RGL1: variants seen among roughly 807,000 people sequenced by gnomAD.
The protein encoded by RGL1 is ral guanine nucleotide dissociation stimulator-like 1.
A neutral mutation model predicts 95.2 loss-of-function variants in RGL1; 24 were observed. The observed-to-expected ratio is 0.25, with a 90% CI of 0.18 to 0.35. The LOEUF (loss-of-function observed/expected upper bound fraction) is 0.35. Ranked by LOEUF, RGL1 falls within the 10% of genes least tolerant of loss-of-function variation. RGL1 has a pLI of 1.00. For synonymous variants in RGL1, 329 were observed against 344.9 expected, an observed-to-expected ratio of 0.95 and a Z score of 0.51; for missense variants, 715 against 936.3, an observed-to-expected ratio of 0.76 and a Z score of 3.08.
intron 3 of RGL1, among the ~76,000 whole-genome samples, chr1:183,854,210 A>T (rs1664998098): frequency 6.6e-6 from 1 of 152,164 alleles, no homozygotes; most frequent in Non-Finnish European, 1.5e-5. Flanking sequence ...CCCAAATAAA[A>T]CTGAATGTTG....
intron 2 of RGL1, among the ~76,000 whole-genome samples, chr1:183,782,736 AT>A (rs946216847): frequency 1.3e-5 from 2 of 152,220 alleles, no homozygotes; most frequent in African/African-American, 4.8e-5. Context: ...TTGCTGTCAT[AT>A]TTTCTAAAGT....
intron 2 of RGL1, among the ~76,000 whole-genome samples, chr1:183,811,669 G>C (rs1457413641): frequency 6.6e-6 from 1 of 152,116 alleles, no homozygotes; most frequent in Non-Finnish European, 1.5e-5. Flanking sequence ...TATTACACTG[G>C]ATCCTTTTGG....
chr1:183,650,964 C>T (rs79674066), intron 1 of RGL1, among the ~76,000 whole-genome samples: 1,950 of 152,056 alleles, frequency 0.013, 52 homozygotes, highest in African/African-American at 0.045. Context: ...TGATTTTTTA[C>T]CTATTTTTTG....
chr1:183,848,203 G>A (rs1572498228), intron 3 of RGL1, among the ~76,000 whole-genome samples: 1 of 152,276 alleles, frequency 6.6e-6, no homozygotes, highest in Non-Finnish European at 1.5e-5. Context: ...GCTTAGGAAT[G>A]GTGGCAATGA....
At chr1:183,901,512 A>G (rs772436749) in intron 11 of RGL1, among the ~76,000 whole-genome samples, 24 of 152,098 alleles carry the variant, frequency 1.6e-4, no homozygotes, top group Admixed American at 1.1e-3. Context: ...AAAACAAACA[A>G]ACAAACAAAC....
chr1:183,927,898 A>G lies in RGL1; in HGVS notation c.*1606A>G, dbSNP rs1669702521. On this transcript the variant is annotated 3_prime_UTR_variant, in exon 18 of 18. Transcript: ENST00000360851. ...CATAAATAGCCATGTGAATTCCACA[A>G]GAAGCACCAGGGAAAGTTTAGAGAT... 7 of 152,618 alleles carry G rather than the reference A, an allele frequency of 4.6e-5. No homozygotes were observed. The highest frequency in any genetic ancestry group is 2.6e-4 in the Admixed American group (4 of 15,280). 9.5% of individuals were successfully genotyped at this position (152,618 alleles called of 1,614,324 possible).
chr1:183,809,978 C>A (rs1427113271), intron 2 of RGL1, among the ~76,000 whole-genome samples: 1 of 152,020 alleles, frequency 6.6e-6, no homozygotes, highest in Non-Finnish European at 1.5e-5. Context: ...AGTAATTTCA[C>A]CCAGACATTC....
chr1:183,917,511 C>T (rs1243427091), intron 16 of RGL1, among the ~76,000 whole-genome samples: 1 of 152,220 alleles, frequency 6.6e-6, no homozygotes, highest in East Asian at 1.9e-4. Context: ...TCACTCGCCT[C>T]TTTGAAGGCA....
At chr1:183,782,592 C>G (rs950670004) in intron 2 of RGL1, among the ~76,000 whole-genome samples, 4 of 152,162 alleles carry the variant, frequency 2.6e-5, no homozygotes, top group Non-Finnish European at 5.9e-5. Flanking sequence ...TAGTATAATA[C>G]ACATGAGAGC....
At position 183,907,080 on chromosome 1, in the gene RGL1, G is replaced by A. The variant is rs752600877; in HGVS notation, c.1541G>A (p.Ser514Asn). The change falls in exon 14 of 18, where the codon AGC becomes AAC. Residue 514 changes from serine (S) to asparagine (N), a missense_variant. Physicochemically the swap from Ser to Asn is conservative, Grantham distance 46. Transcript: ENST00000360851. ...ACCACCTCGCCCAAGCCTCGGAAGA[G>A]CATGGTGAAGAGACTCAGCCTGTGA... ...ASTTSPKPRK[S>N]MVKRLSLLFL... The A allele has an allele frequency of 9.9e-6, 16 of 1,610,130 alleles. No homozygotes were observed. The highest frequency in any genetic ancestry group is 1.4e-5 in the Non-Finnish European group (16 of 1,177,376).
At position 183,912,286 on chromosome 1, in the gene RGL1, C is replaced by G; in HGVS notation, c.1749+18C>G. ...AAAAAAAGGTATATACTCAACCCTT[C>G]TCATAATTCCTAATGCAGGCACCTA... On this transcript the variant is annotated intron_variant, in intron 15 of 17. Transcript: ENST00000360851. The G allele has an allele frequency of 6.2e-7, 1 of 1,601,282 alleles. No individual in the cohort carries two copies. Among genetic ancestry groups the G allele is most frequent in the Non-Finnish European group, 8.5e-7 (1 of 1,171,310 alleles).
At chr1:183,722,972 A>G (rs1400634482) in intron 1 of RGL1, among the ~76,000 whole-genome samples, 1 of 152,232 alleles carries the variant, frequency 6.6e-6, no homozygotes, top group African/African-American at 2.4e-5. Flanking sequence ...TAAAACAACA[A>G]ACAGCAGCAA....
At chr1:183,863,999 T>C (rs1291117079) in intron 3 of RGL1, among the ~76,000 whole-genome samples, 2 of 152,160 alleles carry the variant, frequency 1.3e-5, no homozygotes, top group Admixed American at 1.3e-4. Context: ...TCATTACACA[T>C]TTGGCATCAC....
rs574614775 is a variant in RGL1, at chr1:183,825,099, A to G, written c.138+18614A>G. 8.5e-5 allele frequency among the ~76,000 whole-genome samples: 13 copies of G among 152,298 alleles called. 1 individual carries two copies. In the South Asian group the frequency reaches 2.7e-3, roughly 32 times the overall value. On this transcript the variant is annotated intron_variant, in intron 2 of 17. Transcript: ENST00000360851. Reference sequence around the variant, plus strand: ...AAGATAATTCCAAGACTTTTGGTGTATTTGAACAAAGAGAACAGTGGTATC... The same window carrying G: ...AAGATAATTCCAAGACTTTTGGTGTGTTTGAACAAAGAGAACAGTGGTATC...
intron 1 of RGL1, among the ~76,000 whole-genome samples, chr1:183,681,039 T>C (rs1387014594): frequency 6.6e-6 from 1 of 152,254 alleles, no homozygotes; most frequent in Admixed American, 6.5e-5. Context: ...CCTGAGACTT[T>C]GCTGAAACTG....
In RGL1 at chr1:183,923,499, T is replaced by G. The variant is rs185508750; in HGVS notation, c.2119+1163T>G. Among the ~76,000 whole-genome samples the G allele has an allele frequency of 1.3e-3, 192 of 152,282 alleles. 1 individual carries two copies. Among genetic ancestry groups the G allele is most frequent in the African/African-American group, 4.4e-3 (184 of 41,548 alleles). On this transcript the variant is annotated intron_variant, in intron 17 of 17. Transcript: ENST00000360851. ...TGGTCTCAAGTTGTACCATTTTGCT[T>G]ACAACACAGCACTAAGGTGAGGCTG...
rs79797214 is a variant in RGL1, at chr1:183,760,918, C to G, written c.132+18629C>G. Among the ~76,000 whole-genome samples, 1,317 of 152,324 alleles carry G rather than the reference C, an allele frequency of 8.6e-3. 21 individuals carry two copies. Among genetic ancestry groups the G allele is most frequent in the African/African-American group, 0.029 (1,226 of 41,566 alleles). On this transcript the variant is annotated intron_variant, in intron 2 of 18. Coordinates refer to the RGL1 transcript ENST00000304685. Reference sequence around the variant, plus strand: ...TCAAGAAACCACAGTCTTTGCTTATCTATAAGAAGTCACTCGTTGTCCATT... The same window carrying G: ...TCAAGAAACCACAGTCTTTGCTTATGTATAAGAAGTCACTCGTTGTCCATT...
At chr1:183,843,821 GT>G (rs5779190) in intron 2 of RGL1, among the ~76,000 whole-genome samples, 3 of 150,966 alleles carry the variant, frequency 2.0e-5, no homozygotes, top group East Asian at 2.0e-4. Flanking sequence ...ATATTTTCAT[GT>G]TTTTTTTTGT....
In RGL1 at chr1:183,891,747, T is replaced by G. The variant is rs1400229863; in HGVS notation, c.1056-330T>G. ...TGTGTGTAACAGTTTTTTTTTTTTTTTTTTTTTTTTTTTGTTTAACTCACT... is the reference window on the plus strand; with the variant it reads ...TGTGTGTAACAGTTTTTTTTTTTTTGTTTTTTTTTTTTTGTTTAACTCACT... On this transcript the variant is annotated intron_variant, in intron 8 of 17. Coordinates refer to ENST00000360851, the MANE Select transcript of RGL1 (RefSeq NM_001297671.3). Among the ~76,000 whole-genome samples the G allele has an allele frequency of 1.1e-3, 93 of 82,832 alleles. 1 individual carries two copies. The highest frequency in any genetic ancestry group is 4.8e-3 in the Middle Eastern group (1 of 210). The allele number at this position is 82,832 out of a possible 152,430, so 54.3% of individuals were successfully genotyped here.
Sources: allele counts gnomAD v4.1 joint callset (sites outside exome capture counted in the v4.1 genomes callset), GRCh38; gene constraint gnomAD v4.1.1; transcripts MANE v1.5; gene names NCBI Gene and HGNC (gene_info 2026-07-23, HGNC 2026-07-21).